NRG1: variants seen among roughly 807,000 people sequenced by gnomAD.
NRG1 encodes neuregulin 1, also known as pro-neuregulin-1, membrane-bound isoform.
A neutral mutation model predicts 63.8 loss-of-function variants in NRG1; 18 were observed. The observed-to-expected ratio is 0.28, with a 90% CI of 0.19 to 0.42. NRG1 has a LOEUF of 0.42. Among genes scored for constraint, NRG1 ranks in the 10% least tolerant of loss-of-function variants. NRG1 has a pLI of 1.00. For missense variants in NRG1, 762 were observed against 814.7 expected, an observed-to-expected ratio of 0.94 and a Z score of 0.79; for synonymous variants, 302 against 301.3, an observed-to-expected ratio of 1.00 and a Z score of -0.02.
chr8:32,369,365 C>T (rs897099969), intron 1 of NRG1, among the ~76,000 whole-genome samples: 2 of 152,226 alleles, frequency 1.3e-5, no homozygotes, highest in East Asian at 3.8e-4. Flanking sequence ...GCCATGTTTG[C>T]CCCATGGCAT....
chr8:31,802,094 A>C (rs1563419323), intron 1 of NRG1, among the ~76,000 whole-genome samples: 1 of 152,234 alleles, frequency 6.6e-6, no homozygotes, highest in Non-Finnish European at 1.5e-5. Context: ...CTTAAATGCC[A>C]ACAGAAATTT....
intron 5 of NRG1, among the ~76,000 whole-genome samples, chr8:32,673,468 T>C (rs1249006421): frequency 6.6e-6 from 1 of 152,196 alleles, no homozygotes; most frequent in Non-Finnish European, 1.5e-5. Flanking sequence ...GTAATTAAAA[T>C]ACAGTTGTTT....
chr8:32,252,868 C>T (rs887980064), intron 1 of NRG1, among the ~76,000 whole-genome samples: 1 of 152,112 alleles, frequency 6.6e-6, no homozygotes, highest in Non-Finnish European at 1.5e-5. Context: ...TCTCTTATTT[C>T]CTTGAGCAGT....
At chr8:32,588,185 G>A (rs4263718) in intron 1 of NRG1, among the ~76,000 whole-genome samples, 42,238 of 152,052 alleles carry the variant, frequency 0.28, 5,986 homozygotes, top group South Asian at 0.35. Context: ...GCCTCCCAAA[G>A]AGCTGGGATT....
chr8:32,719,032 GAGCAATGCTGAATAGTAGC>G (rs1376377347), intron 5 of NRG1, among the ~76,000 whole-genome samples: 2 of 152,026 alleles, frequency 1.3e-5, no homozygotes, highest in African/African-American at 4.8e-5. Context: ...GAACTTTTAA[GAGCAATGCTGAATAGTAGC>G]ACTGATAGTC....
intron 1 of NRG1, among the ~76,000 whole-genome samples, chr8:32,487,783 G>A (rs186329312): frequency 4.2e-4 from 64 of 152,280 alleles, no homozygotes; most frequent in Non-Finnish European, 6.9e-4. Context: ...GAGTCTTAAG[G>A]ATTTTTAAAG....
intron 1 of NRG1, among the ~76,000 whole-genome samples, chr8:31,889,279 C>A (rs903421525): frequency 1.3e-5 from 2 of 152,056 alleles, no homozygotes; most frequent in Non-Finnish European, 2.9e-5. Flanking sequence ...TATGATGCCC[C>A]TTTTCTAAGA....
intron 1 of NRG1, among the ~76,000 whole-genome samples, chr8:32,549,096 G>A (rs1264033718): frequency 6.6e-6 from 1 of 152,218 alleles, no homozygotes; most frequent in Non-Finnish European, 1.5e-5. Context: ...GGAGCGCTTC[G>A]CTCCCTGGCA....
chr8:32,086,492 C>T (rs1828240863), intron 1 of NRG1, among the ~76,000 whole-genome samples: 1 of 152,202 alleles, frequency 6.6e-6, no homozygotes, highest in African/African-American at 2.4e-5. Flanking sequence ...TATAGGTCAT[C>T]TCAGTTTGTG....
At chr8:32,586,906 T>G (rs1035718805) in intron 1 of NRG1, among the ~76,000 whole-genome samples, 1 of 152,134 alleles carries the variant, frequency 6.6e-6, no homozygotes, top group African/African-American at 2.4e-5. Context: ...GAAGAGCAAC[T>G]TTGACTTGAG....
intron 6 of NRG1, among the ~76,000 whole-genome samples, chr8:32,731,023 TTCA>T (rs1407982190): frequency 6.6e-6 from 1 of 152,192 alleles, no homozygotes; most frequent in African/African-American, 2.4e-5. Flanking sequence ...ATGATCATTT[TTCA>T]TCATCACTTA....
intron 1 of NRG1, among the ~76,000 whole-genome samples, chr8:31,824,775 C>T (rs1407587783): frequency 6.6e-6 from 1 of 152,142 alleles, no homozygotes; most frequent in Non-Finnish European, 1.5e-5. Context: ...TCACATTAGA[C>T]ATTTGTTAAA....
intron 1 of NRG1, among the ~76,000 whole-genome samples, chr8:31,705,719 G>A (rs1811083467): frequency 6.6e-6 from 1 of 152,130 alleles, no homozygotes; most frequent in African/African-American, 2.4e-5. Context: ...GATAATTGGG[G>A]AGATAGGATT....
At chr8:32,456,111 G>T (rs1821564040) in intron 1 of NRG1, among the ~76,000 whole-genome samples, 3 of 152,106 alleles carry the variant, frequency 2.0e-5, no homozygotes, top group Admixed American at 2.0e-4. Context: ...AGCCCTTAGA[G>T]GAAAAACTGT....
chr8:32,597,767 CT>C lies in NRG1; in HGVS notation c.278+1763del, dbSNP rs967119833. On this transcript the variant is annotated intron_variant, in intron 2 of 11. Transcript: ENST00000356819. ...ACTGAGAATGAAATTAAGTTTCTTCCTGTAGATCATAGTGGTAATTAATGGT... is the reference window on the plus strand; with the variant it reads ...ACTGAGAATGAAATTAAGTTTCTTCCGTAGATCATAGTGGTAATTAATGGT... Among the ~76,000 whole-genome samples, 29 of 152,084 alleles carry C rather than the reference CT, an allele frequency of 1.9e-4. No individual in the cohort carries two copies. The East Asian group carries it at 5.6e-3, about 29-fold the overall frequency.
At chr8:32,303,657 G>T (rs1356569127) in intron 1 of NRG1, among the ~76,000 whole-genome samples, 1 of 152,138 alleles carries the variant, frequency 6.6e-6, no homozygotes, top group East Asian at 1.9e-4. Flanking sequence ...TTCTTGTAAT[G>T]GTTTCGTTTT....
At chr8:31,939,805 G>C (rs1563593339) in intron 1 of NRG1, among the ~76,000 whole-genome samples, 1 of 152,116 alleles carries the variant, frequency 6.6e-6, no homozygotes, top group Non-Finnish European at 1.5e-5. Flanking sequence ...AGCAACAGCA[G>C]TTTAAAAAGA....
At chr8:31,690,585 T>C (rs1415036247) in intron 1 of NRG1, among the ~76,000 whole-genome samples, 1 of 151,820 alleles carries the variant, frequency 6.6e-6, no homozygotes, top group Non-Finnish European at 1.5e-5. Flanking sequence ...TCCGAGAGAG[T>C]GATTTTTCTG....
chr8:32,743,311 C>A, intron 7 of NRG1: 2 of 744,208 alleles, frequency 2.7e-6, no homozygotes, highest in Non-Finnish European at 3.3e-6. Context: ...TAAAAACAAA[C>A]ATTTCACAGC....
Sources: gnomAD v4.1 joint callset for allele counts (sites outside exome capture counted in the v4.1 genomes callset) on GRCh38, gnomAD v4.1.1 for gene constraint, MANE v1.5 for transcripts, NCBI Gene and HGNC (gene_info 2026-07-23, HGNC 2026-07-21) for gene names.